Variants in GLMN observed in about 807,000 individuals in gnomAD.
GLMN encodes the protein glomulin.
GLMN carries 75 observed loss-of-function variants against 87.8 expected under a neutral mutation model. The observed-to-expected ratio is 0.85, with a 90% CI of 0.71 to 1.04. The LOEUF (loss-of-function observed/expected upper bound fraction) is 1.04, where lower values mean the gene tolerates loss of function less well. Among genes scored for constraint, GLMN ranks in the 50% least tolerant of loss-of-function variants. The pLI is 0.00. For synonymous variants in GLMN, 206 were observed against 221.6 expected (o/e 0.93, Z 0.63); for missense variants, 588 against 658.8 (o/e 0.89, Z 1.18).
chr1:92,284,072 T>TCC (rs989145977), intron 7 of GLMN, among the ~76,000 whole-genome samples: 3 of 152,062 alleles, frequency 2.0e-5, no homozygotes, highest in Non-Finnish European at 4.4e-5. Flanking sequence ...TTCAATGCTA[T>TCC]CCCCATCAAG....
upstream of GLMN, chr1:92,301,392 GAGTT>G: frequency 1.8e-6 from 1 of 555,416 alleles, no homozygotes; most frequent in Non-Finnish European, 3.1e-6. Flanking sequence ...GCAAAATAGT[GAGTT>G]AGGTTAGTAT....
At position 92,290,129 on chromosome 1, in the gene GLMN, A is replaced by G. The variant is rs181606487; in HGVS notation, c.394+69T>C. 280 of 892,992 alleles carry G rather than the reference A, an allele frequency of 3.1e-4. No homozygotes were observed. The African/African-American group carries it at 4.1e-3, about 13-fold the overall frequency. The allele number at this position is 892,992 out of a possible 1,614,324, so 55.3% of individuals were successfully genotyped here. ...AACTTTACTTTGGTGTAGTATTGAC[A>G]TTTTGAGGTAACCATCAAGGCATTT... is the stretch of plus-strand genomic sequence containing the variant. On this transcript the variant is annotated intron_variant, in intron 5 of 18. Transcript: ENST00000370360.
intron 7 of GLMN, among the ~76,000 whole-genome samples, chr1:92,282,305 T>A (rs1246355937): frequency 6.6e-6 from 1 of 152,180 alleles, no homozygotes; most frequent in Middle Eastern, 3.2e-3. Context: ...AAATTAGAAC[T>A]CAGGATTCAG....
At chr1:92,268,539 A>T (rs1655899065) in intron 9 of GLMN, among the ~76,000 whole-genome samples, 1 of 152,270 alleles carries the variant, frequency 6.6e-6, no homozygotes, top group South Asian at 2.1e-4. Context: ...TTTAGGACTT[A>T]GATTCAAAAC....
intron 16 of GLMN, among the ~76,000 whole-genome samples, chr1:92,254,480 G>T (rs1291667050): frequency 6.6e-6 from 1 of 152,114 alleles, no homozygotes; most frequent in South Asian, 2.1e-4. Flanking sequence ...ATTCACCAAG[G>T]TTGAAATGAA....
the GLMN span, among the ~76,000 whole-genome samples, chr1:92,328,806 G>A: frequency 2.0e-5 from 3 of 152,210 alleles, no homozygotes; most frequent in Non-Finnish European, 4.4e-5. Context: ...CTCAAGGGCT[G>A]CTGTTTAGAT....
In GLMN at chr1:92,266,504, C is replaced by G. The variant is rs1412100212; in HGVS notation, c.1141-12G>C. ...AAACTCTTTTTCCTCTAAAATGGAACAAACAATATTATTATATAAAATGAA... is the reference window on the plus strand; with the variant it reads ...AAACTCTTTTTCCTCTAAAATGGAAGAAACAATATTATTATATAAAATGAA... On this transcript the variant is annotated splice_polypyrimidine_tract_variant and intron_variant, in intron 12 of 18. Coordinates refer to ENST00000370360, the MANE Select transcript of GLMN (RefSeq NM_053274.3). The G allele has an allele frequency of 1.4e-6, 2 of 1,471,132 alleles. No homozygotes were observed. The highest frequency in any genetic ancestry group is 3.4e-5 in the Admixed American group (2 of 59,408). 91.1% of individuals were successfully genotyped at this position (1,471,132 alleles called of 1,614,324 possible). A position where few individuals can be genotyped will look rare whatever the true frequency, so the allele number is the denominator to read the frequency against.
At chr1:92,298,782 C>T in intron 1 of GLMN, 143 bp downstream of exon 1, 1 of 329,872 alleles carries the variant, frequency 3.0e-6, no homozygotes. Flanking sequence ...TCAGAGGAAG[C>T]CATGTCTTCC....
chr1:92,299,098 T>C (rs960546349), upstream of GLMN: 22 of 1,519,984 alleles, frequency 1.4e-5, no homozygotes, highest in Middle Eastern at 2.0e-4. Context: ...TGGGCCGTCT[T>C]CTGCCGGCCG....
chr1:92,363,756 T>C, the GLMN span: 1 of 353,560 alleles, frequency 2.8e-6, no homozygotes, highest in Non-Finnish European at 5.6e-6. Flanking sequence ...ATGATCTACT[T>C]CCACTTAATG....
chr1:92,299,852 C>A (rs974286428), upstream of GLMN, among the ~76,000 whole-genome samples: 3 of 151,946 alleles, frequency 2.0e-5, no homozygotes, highest in Non-Finnish European at 4.4e-5. Flanking sequence ...TTTGTGTAGA[C>A]CTGACCTACT....
Position 92,262,771 on chromosome 1 carries a change from A to G in GLMN, c.1473+92T>C, listed in dbSNP as rs1322019254. The G allele has an allele frequency of 2.7e-5, 18 of 669,320 alleles. No homozygotes were observed. The South Asian group carries it at 2.7e-4, about 10-fold the overall frequency. The allele number at this position is 669,320 out of a possible 1,614,324, so 41.5% of individuals were successfully genotyped here. On this transcript the variant is annotated intron_variant, in intron 16 of 18. Coordinates refer to ENST00000370360, the MANE Select transcript of GLMN (RefSeq NM_053274.3). Reference sequence around the variant, plus strand: ...TTCCCGGCCTTTATATCTGGGTAAGATATTAAATATTGGCTTTAGGTACTG... The same window carrying G: ...TTCCCGGCCTTTATATCTGGGTAAGGTATTAAATATTGGCTTTAGGTACTG...
intron 13 of GLMN, among the ~76,000 whole-genome samples, chr1:92,265,323 CA>C (rs67154270): frequency 0.045 from 3,896 of 87,460 alleles, 138 homozygotes; most frequent in African/African-American, 0.16. Flanking sequence ...AGCTTAATTG[CA>C]AAAAAAAAAA....
the GLMN span, among the ~76,000 whole-genome samples, chr1:92,305,449 A>AAAAAAAAAAAAAAAAAAAAAC: frequency 6.7e-6 from 1 of 148,814 alleles, no homozygotes; most frequent in South Asian, 2.1e-4. Context: ...AAAAAAAAAA[A>AAAAAAAAAAAAAAAAAAAAAC]AAGACAATAT....
intron 6 of GLMN, among the ~76,000 whole-genome samples, chr1:92,286,998 C>T (rs1293478140): frequency 1.3e-5 from 2 of 152,188 alleles, no homozygotes; most frequent in South Asian, 2.1e-4. Flanking sequence ...TATATCAGCA[C>T]AAATGGATTA....
At chr1:92,266,101 C>T (rs1360115772) in intron 13 of GLMN, among the ~76,000 whole-genome samples, 1 of 152,142 alleles carries the variant, frequency 6.6e-6, no homozygotes, top group Non-Finnish European at 1.5e-5. Context: ...AGATTAGTGA[C>T]ATACATAAAG....
chr1:92,259,261 CTATT>C (rs1173768794), intron 16 of GLMN, among the ~76,000 whole-genome samples: 1 of 152,166 alleles, frequency 6.6e-6, no homozygotes, highest in East Asian at 1.9e-4. Flanking sequence ...TAAAGATACT[CTATT>C]AAATATCTAT....
chr1:92,300,583 C>T (rs571516846), upstream of GLMN, among the ~76,000 whole-genome samples: 1 of 152,298 alleles, frequency 6.6e-6, no homozygotes, highest in East Asian at 1.9e-4. Flanking sequence ...CTTTTCTGTT[C>T]TTTGTTACAT....
At position 92,271,569 on chromosome 1, in the gene GLMN, T is replaced by C; in HGVS notation, c.819A>G (p.Glu273=). ...ACTGTTTATTTTCTTCTTCTTCAAA[T>C]TCAAGGTAATTCCAAGTTCTCTTTT... ...GRKKRTWNYL[E]FEEEENKQLA... Residue 273 remains glutamate, a synonymous_variant, in exon 8 of 19, where the codon GAA becomes GAG. Transcript: ENST00000370360. 1.2e-6 allele frequency: 2 copies of C among 1,611,632 alleles called. No homozygotes were observed. The highest frequency in any genetic ancestry group is 3.3e-5 in the Admixed American group (2 of 59,972).
Sources: gnomAD v4.1 joint callset for allele counts (sites outside exome capture counted in the v4.1 genomes callset) on GRCh38, gnomAD v4.1.1 for gene constraint, MANE v1.5 for transcripts, NCBI Gene and HGNC (gene_info 2026-07-23, HGNC 2026-07-21) for gene names.